PGCKA1: variants seen among roughly 807,000 people sequenced by gnomAD.
PGCKA1 encodes the protein PDCD10 and GCKIII kinases associated 1, also known as PDCD10 and GCKIII kinases-associated protein 1.
chr4:37,489,281 A>G, the PGCKA1 span, among the ~76,000 whole-genome samples: 1 of 152,186 alleles, frequency 6.6e-6, no homozygotes, highest in Non-Finnish European at 1.5e-5. Context: ...AAAGTCATGT[A>G]TAAGAAATTC....
At chr4:37,555,596 A>C in the PGCKA1 span, among the ~76,000 whole-genome samples, 53,581 of 152,088 alleles carry the variant, frequency 0.35, 9,675 homozygotes, top group Non-Finnish European at 0.39. Flanking sequence ...TAGGAGACAA[A>C]GGGTGTGGCT....
At chr4:37,563,139 A>G in the PGCKA1 span, among the ~76,000 whole-genome samples, 1 of 149,308 alleles carries the variant, frequency 6.7e-6, no homozygotes, top group Admixed American at 6.8e-5. Context: ...AACATTTATA[A>G]AATAAAATAG....
chr4:37,561,371 A>G, the PGCKA1 span, among the ~76,000 whole-genome samples: 1 of 152,248 alleles, frequency 6.6e-6, no homozygotes, highest in Non-Finnish European at 1.5e-5. Context: ...TGAATTAAAT[A>G]AAACTGTAAG....
chr4:37,475,719 T>C, the PGCKA1 span, among the ~76,000 whole-genome samples: 3 of 152,164 alleles, frequency 2.0e-5, no homozygotes, highest in African/African-American at 4.8e-5. Context: ...ATATCCTAGA[T>C]AAAGATGTAA....
At chr4:37,496,121 A>G in the PGCKA1 span, among the ~76,000 whole-genome samples, 2 of 152,148 alleles carry the variant, frequency 1.3e-5, no homozygotes, top group African/African-American at 2.4e-5. Flanking sequence ...TCTTTTGTTT[A>G]ATTAGACTTC....
the PGCKA1 span, among the ~76,000 whole-genome samples, chr4:37,551,809 A>G: frequency 3.3e-5 from 5 of 152,232 alleles, no homozygotes; most frequent in Non-Finnish European, 7.3e-5. Flanking sequence ...TCCCTTGTTT[A>G]CTACCTGTAC....
At chr4:37,501,698 A>G in the PGCKA1 span, among the ~76,000 whole-genome samples, 17 of 152,284 alleles carry the variant, frequency 1.1e-4, no homozygotes, top group East Asian at 2.5e-3. Flanking sequence ...AAAGGTTTCA[A>G]TGTACTCCTG....
At chr4:37,590,894 A>G in the PGCKA1 span, 1 of 1,614,226 alleles carries the variant, frequency 6.2e-7, no homozygotes, top group Non-Finnish European at 8.5e-7. Context: ...CATGGCTCCG[A>G]TGGAGATGGG....
chr4:37,592,146 T>C, the PGCKA1 span, among the ~76,000 whole-genome samples: 3 of 146,722 alleles, frequency 2.0e-5, no homozygotes, highest in African/African-American at 7.6e-5. Flanking sequence ...GAGGTGGAGG[T>C]TGCAGTGAGC....
At chr4:37,498,420 G>GT in the PGCKA1 span, among the ~76,000 whole-genome samples, 1 of 152,058 alleles carries the variant, frequency 6.6e-6, no homozygotes, top group African/African-American at 2.4e-5. Flanking sequence ...TTTTAGAATT[G>GT]TTTTTTCTAA....
chr4:37,539,159 A>G, the PGCKA1 span, among the ~76,000 whole-genome samples: 20 of 152,194 alleles, frequency 1.3e-4, no homozygotes, highest in Non-Finnish European at 2.5e-4. Flanking sequence ...AAAACAGACC[A>G]TACATGGGAT....
chr4:37,482,344 G>C, the PGCKA1 span, among the ~76,000 whole-genome samples: 3 of 152,178 alleles, frequency 2.0e-5, no homozygotes, highest in Non-Finnish European at 2.9e-5. Context: ...TAAAGTCCAG[G>C]CCGAGGTGGT....
chr4:37,547,128 G>C, the PGCKA1 span, among the ~76,000 whole-genome samples: 476 of 152,256 alleles, frequency 3.1e-3, 2 homozygotes, highest in African/African-American at 0.011. Flanking sequence ...TCGGCACTTT[G>C]GTTTTGGTTT....
chr4:37,561,613 CTAT>C, the PGCKA1 span, among the ~76,000 whole-genome samples: 7,945 of 152,230 alleles, frequency 0.052, 338 homozygotes, highest in African/African-American at 0.11. Flanking sequence ...AAGACTTCAT[CTAT>C]TATTGTATAA....
chr4:37,586,677 A>T, the PGCKA1 span, among the ~76,000 whole-genome samples: 1 of 152,244 alleles, frequency 6.6e-6, no homozygotes, highest in Non-Finnish European at 1.5e-5. Flanking sequence ...TCAGAGGCCA[A>T]GGTGGATGGA....
the PGCKA1 span, among the ~76,000 whole-genome samples, chr4:37,568,879 G>C: frequency 6.6e-6 from 1 of 152,198 alleles, no homozygotes; most frequent in African/African-American, 2.4e-5. Flanking sequence ...AGAAACTGAG[G>C]ACTCAAGAGA....
At chr4:37,566,136 G>C in the PGCKA1 span, among the ~76,000 whole-genome samples, 6 of 151,966 alleles carry the variant, frequency 3.9e-5, no homozygotes, top group Non-Finnish European at 8.8e-5. Context: ...TATCCTGTTA[G>C]TTCTGTCCCT....
chr4:37,495,895 C>A, the PGCKA1 span, among the ~76,000 whole-genome samples: 1 of 152,060 alleles, frequency 6.6e-6, no homozygotes, highest in African/African-American at 2.4e-5. Context: ...CCTCTGCCAA[C>A]TTTTTAATGG....
chr4:37,467,040 G>A, the PGCKA1 span, among the ~76,000 whole-genome samples: 2 of 152,202 alleles, frequency 1.3e-5, no homozygotes, highest in African/African-American at 4.8e-5. Flanking sequence ...AGAGGTTGCA[G>A]TGAGCCAAGA....
Sources: allele counts gnomAD v4.1 joint callset (sites outside exome capture counted in the v4.1 genomes callset), GRCh38; gene constraint gnomAD v4.1.1; transcripts MANE v1.5; gene names NCBI Gene and HGNC (gene_info 2026-07-23, HGNC 2026-07-21).